SLIT3: variants seen among roughly 807,000 people sequenced by gnomAD.
SLIT3 encodes slit homolog 3 protein.
A neutral mutation model predicts 184.0 loss-of-function variants in SLIT3; 68 were observed. That is an observed-to-expected ratio of 0.37 (90% CI 0.30 to 0.45). The LOEUF is 0.45. Ranked by LOEUF, SLIT3 falls within the 20% of genes least tolerant of loss-of-function variation. SLIT3 has a pLI of 1.00. For missense variants in SLIT3, 1,707 were observed against 2,026.0 expected (o/e 0.84, Z 3.02); for synonymous variants, 831 against 828.6 (o/e 1.00, Z -0.05).
intron 4 of SLIT3, chr5:169,024,490 G>A (rs192544209): frequency 2.6e-5 from 4 of 152,290 alleles, no homozygotes; most frequent in Admixed American, 2.0e-4. Flanking sequence ...TTTTCCTGCC[G>A]GAAGTTGCTG....
At chr5:169,160,625 C>T (rs1030811593) in intron 4 of SLIT3, among the ~76,000 whole-genome samples, 6 of 152,196 alleles carry the variant, frequency 3.9e-5, no homozygotes, top group Non-Finnish European at 5.9e-5. Flanking sequence ...TTTATAAAGG[C>T]CTCATGGTGC....
chr5:168,878,582 G>A (rs1200631453), intron 5 of SLIT3, among the ~76,000 whole-genome samples: 1 of 152,240 alleles, frequency 6.6e-6, no homozygotes, highest in African/African-American at 2.4e-5. Context: ...CCAAAAGATG[G>A]TTGGGTGTGT....
chr5:168,961,997 C>G (rs982225662), intron 4 of SLIT3, among the ~76,000 whole-genome samples: 1 of 151,986 alleles, frequency 6.6e-6, no homozygotes, highest in African/African-American at 2.4e-5. Context: ...GTCACAGAGC[C>G]TGGTGATTCT....
At chr5:168,749,916 A>C in intron 18 of SLIT3, among the ~76,000 whole-genome samples, 1 of 152,014 alleles carries the variant, frequency 6.6e-6, no homozygotes, top group East Asian at 1.9e-4. Context: ...GAGCCTTCAC[A>C]CTTGCTACTC....
chr5:169,155,041 A>G (rs1208821778), intron 4 of SLIT3, among the ~76,000 whole-genome samples: 3 of 152,232 alleles, frequency 2.0e-5, no homozygotes, highest in South Asian at 2.1e-4. Context: ...ACAAAGTTGA[A>G]GACAGTCAGT....
At chr5:169,020,165 T>G (rs1756544720) in intron 4 of SLIT3, among the ~76,000 whole-genome samples, 1 of 152,212 alleles carries the variant, frequency 6.6e-6, no homozygotes, top group South Asian at 2.1e-4. Flanking sequence ...TTTTACTATC[T>G]GGCCTTTTAC....
intron 35 of SLIT3, 71 bp downstream of exon 35, chr5:168,669,712 C>G (rs1372999441): frequency 1.4e-5 from 18 of 1,258,766 alleles, no homozygotes; most frequent in Non-Finnish European, 1.8e-5. Context: ...AGAACTGGAA[C>G]TGAGGTGATC....
At chr5:168,666,837 C>T (rs1761070023) in intron 35 of SLIT3, 148 bp from the exon 36 acceptor site, 2 of 1,307,132 alleles carry the variant, frequency 1.5e-6, no homozygotes, top group African/African-American at 1.5e-5. Flanking sequence ...TCCCCTCCAT[C>T]CACCCATCTA....
intron 4 of SLIT3, among the ~76,000 whole-genome samples, chr5:168,998,619 G>A (rs920050298): frequency 1.3e-5 from 2 of 152,050 alleles, no homozygotes; most frequent in African/African-American, 2.4e-5. Context: ...CAGGAGAATC[G>A]CTTGAACCCG....
At chr5:169,217,727 G>T (rs901029676) in intron 3 of SLIT3, among the ~76,000 whole-genome samples, 7 of 152,184 alleles carry the variant, frequency 4.6e-5, no homozygotes, top group Non-Finnish European at 7.3e-5. Flanking sequence ...CACACAGGCC[G>T]CTCTGTGATT....
intron 5 of SLIT3, among the ~76,000 whole-genome samples, chr5:168,848,531 G>C (rs1324021109): frequency 2.0e-5 from 3 of 152,132 alleles, no homozygotes; most frequent in African/African-American, 7.2e-5. Flanking sequence ...ACACTCCCCT[G>C]TCTCTGAATA....
intron 28 of SLIT3, among the ~76,000 whole-genome samples, chr5:168,694,345 T>C (rs184020653): frequency 1.3e-5 from 2 of 152,356 alleles, no homozygotes; most frequent in Non-Finnish European, 2.9e-5. Flanking sequence ...CTGATTCTTC[T>C]TGACCAATGA....
In SLIT3 at chr5:169,032,922, A is replaced by ATTTT. The variant is rs199911562; in HGVS notation, c.414-149590_414-149587dup. Among the ~76,000 whole-genome samples, 45 of 88,124 alleles carry ATTTT rather than the reference A, an allele frequency of 5.1e-4. 1 individual carries two copies. The highest frequency in any genetic ancestry group is 1.5e-3 in the African/African-American group (36 of 24,312). The allele number at this position is 88,124 out of a possible 152,430, so 57.8% of individuals were successfully genotyped here. On this transcript the variant is annotated intron_variant, in intron 4 of 35. Transcript: ENST00000519560. ...TCTCATAAGTATCCATTTTTCCTTG[A>ATTTT]TTTTTTTTTTTTTTTTTTTTTTTTT... is the stretch of plus-strand genomic sequence containing the variant.
chr5:168,669,771 C>G lies in SLIT3; in HGVS notation c.4336+12G>C, dbSNP rs746034086. 3 of 1,611,748 alleles carry G rather than the reference C, an allele frequency of 1.9e-6. No individual in the cohort carries two copies. The highest frequency in any genetic ancestry group is 2.5e-6 in the Non-Finnish European group (3 of 1,179,064). On this transcript the variant is annotated intron_variant, in intron 35 of 35. Coordinates refer to ENST00000519560, the MANE Select transcript of SLIT3 (RefSeq NM_003062.4). ...CCCCACTTCCTCCCTCCCACAGGCA[C>G]AGTAGACCCACCTTGTTGGCAGTGC...
At chr5:168,669,545 T>C (rs898841924) in intron 35 of SLIT3, among the ~76,000 whole-genome samples, 2 of 152,214 alleles carry the variant, frequency 1.3e-5, no homozygotes, top group Non-Finnish European at 2.9e-5. Flanking sequence ...AAAATGTTTT[T>C]TGTGGTTTTG....
intron 3 of SLIT3, among the ~76,000 whole-genome samples, chr5:169,214,405 AGAGGCAGAGGAAAACCCAGGAACCGCAGT>A (rs918588307): frequency 7.2e-5 from 11 of 152,194 alleles, no homozygotes; most frequent in Middle Eastern, 3.2e-3. Context: ...GAAAGAGAAA[AGAGGCAGAGGAAAACCCAGGAACCGCAGT>A]GAGGAAGTGG....
intron 1 of SLIT3, among the ~76,000 whole-genome samples, chr5:169,289,559 G>A (rs950401481): frequency 6.6e-6 from 1 of 152,202 alleles, no homozygotes; most frequent in East Asian, 1.9e-4. Context: ...CCATAAAGAC[G>A]AAGTCTGAGG....
chr5:168,982,607 T>C (rs1255090763), intron 4 of SLIT3, among the ~76,000 whole-genome samples: 2 of 152,350 alleles, frequency 1.3e-5, no homozygotes, highest in East Asian at 3.9e-4. Context: ...TATTAGTCTA[T>C]AGGTTGCAGT....
Position 168,674,489 on chromosome 5 carries a change from C to CTTTTT in SLIT3, c.3687-1163_3687-1159dup, listed in dbSNP as rs141548947. Among the ~76,000 whole-genome samples the CTTTTT allele has an allele frequency of 1.3e-3, 155 of 119,880 alleles. 2 individuals carry two copies. Among genetic ancestry groups the CTTTTT allele is most frequent in the East Asian group, 5.9e-3 (24 of 4,054 alleles). 78.6% of individuals were successfully genotyped at this position (119,880 alleles called of 152,430 possible). A position where few individuals can be genotyped will look rare whatever the true frequency, so the allele number is the denominator to read the frequency against. On this transcript the variant is annotated intron_variant, in intron 32 of 35. Transcript: ENST00000519560. ...AAATGTTTTGGTTATGGGATATTCA[C>CTTTTT]TTTTTTTTTTTTTTTTTTTTGAGAT... is the stretch of plus-strand genomic sequence containing the variant.
Sources: allele counts gnomAD v4.1 joint callset (sites outside exome capture counted in the v4.1 genomes callset), GRCh38; gene constraint gnomAD v4.1.1; transcripts MANE v1.5; gene names NCBI Gene and HGNC (gene_info 2026-07-23, HGNC 2026-07-21).